Variants in RCOR1 observed in about 807,000 individuals in gnomAD.
RCOR1 encodes REST corepressor.
RCOR1 carries 12 observed loss-of-function variants against 64.0 expected under a neutral mutation model. The ratio of observed to expected loss-of-function variants is 0.19; its 90% CI spans 0.12 to 0.30. The LOEUF (loss-of-function observed/expected upper bound fraction) is 0.30, where lower values mean the gene tolerates loss of function less well. RCOR1 is among the 10% of genes least tolerant of loss of function. The probability of loss-of-function intolerance (pLI) is 1.00; values close to 1 mark genes in which losing one functional copy is unlikely to be tolerated. For synonymous variants in RCOR1, 279 were observed against 227.2 expected (o/e 1.23, Z -2.05); for missense variants, 502 against 621.2 (o/e 0.81, Z 2.04).
At chr14:102,593,428 C>T (rs552511235) in intron 2 of RCOR1, 103 bp downstream of exon 2, 6 of 1,235,066 alleles carry the variant, frequency 4.9e-6, no homozygotes, top group East Asian at 3.1e-5. Context: ...TCTTTTTGTG[C>T]GTTCGCCCTG....
intron 8 of RCOR1, among the ~76,000 whole-genome samples, chr14:102,719,812 A>G (rs77534446): frequency 0.017 from 2,565 of 152,320 alleles, 75 homozygotes; most frequent in African/African-American, 0.058. Flanking sequence ...AGCTAGAGTG[A>G]CAAGAGTGGT....
At chr14:102,699,945 C>A (rs1895723479) in intron 3 of RCOR1, among the ~76,000 whole-genome samples, 1 of 152,094 alleles carries the variant, frequency 6.6e-6, no homozygotes, top group Admixed American at 6.6e-5. Context: ...GAGGTTGAGT[C>A]AATTCATTTT....
At chr14:102,697,792 C>T (rs1159143749) in intron 3 of RCOR1, among the ~76,000 whole-genome samples, 1 of 151,244 alleles carries the variant, frequency 6.6e-6, no homozygotes, top group Non-Finnish European at 1.5e-5. Context: ...ACGATCTTGG[C>T]TCACTGCAAC....
chr14:102,654,048 C>G (rs1195020504), intron 2 of RCOR1, among the ~76,000 whole-genome samples: 1 of 134,868 alleles, frequency 7.4e-6, no homozygotes, highest in Non-Finnish European at 1.5e-5. Context: ...TGCAGTGGTG[C>G]GATCTCCACT....
intron 2 of RCOR1, among the ~76,000 whole-genome samples, chr14:102,666,436 TG>T (rs1301571624): frequency 2.6e-5 from 4 of 152,236 alleles, no homozygotes; most frequent in Admixed American, 2.6e-4. Context: ...TACATTAGTA[TG>T]GTACATTTGT....
intron 2 of RCOR1, among the ~76,000 whole-genome samples, chr14:102,619,330 G>C (rs1893824805): frequency 6.6e-6 from 1 of 152,070 alleles, no homozygotes; most frequent in Non-Finnish European, 1.5e-5. Context: ...ATGTTGGTTA[G>C]GCTGGTCTTG....
intron 3 of RCOR1, among the ~76,000 whole-genome samples, chr14:102,698,633 G>A (rs1249551236): frequency 1.3e-5 from 2 of 152,070 alleles, no homozygotes; most frequent in East Asian, 1.9e-4. Flanking sequence ...GATTGTTTTC[G>A]CCTTCTGTCC....
chr14:102,640,626 T>C (rs1411049474), intron 2 of RCOR1, among the ~76,000 whole-genome samples: 1 of 152,170 alleles, frequency 6.6e-6, no homozygotes, highest in Admixed American at 6.5e-5. Flanking sequence ...TGAGGTCACA[T>C]AGCTCTTTTC....
In RCOR1 at chr14:102,726,701, A is replaced by C. The variant is rs1023878235; in HGVS notation, c.*195A>C. 7.5e-5 allele frequency: 43 copies of C among 572,020 alleles called. No homozygotes were observed. The African/African-American group carries it at 8.2e-4, about 11-fold the overall frequency. 35.4% of individuals were successfully genotyped at this position (572,020 alleles called of 1,614,324 possible). A position where few individuals can be genotyped will look rare whatever the true frequency, so the allele number is the denominator to read the frequency against. ...TTCCTCCATGTTGGCGCCACTTCCC[A>C]GAGAGCTCCACTGCATCTCACACTC... On this transcript the variant is annotated 3_prime_UTR_variant, in exon 12 of 12. Coordinates refer to ENST00000262241, the MANE Select transcript of RCOR1 (RefSeq NM_015156.4).
At chr14:102,650,724 C>T (rs533889807) in intron 2 of RCOR1, among the ~76,000 whole-genome samples, 1 of 152,256 alleles carries the variant, frequency 6.6e-6, no homozygotes, top group Non-Finnish European at 1.5e-5. Context: ...ATTCCTGTGT[C>T]TGCAAAACAT....
chr14:102,704,002 G>T (rs1895800034), intron 4 of RCOR1, among the ~76,000 whole-genome samples: 1 of 152,192 alleles, frequency 6.6e-6, no homozygotes, highest in Admixed American at 6.5e-5. Flanking sequence ...AATCAGTTTT[G>T]TCTCCTGCAC....
chr14:102,606,221 C>T (rs1251112596), intron 2 of RCOR1, among the ~76,000 whole-genome samples: 5 of 152,034 alleles, frequency 3.3e-5, no homozygotes, highest in Admixed American at 6.6e-5. Flanking sequence ...CCACCGTGCC[C>T]GGCCTAATTT....
chr14:102,648,831 T>A (rs77620290), intron 2 of RCOR1, among the ~76,000 whole-genome samples: 3,563 of 152,268 alleles, frequency 0.023, 133 homozygotes, highest in African/African-American at 0.076. Context: ...GGCCCAGACA[T>A]GGAATCCAGC....
intron 2 of RCOR1, among the ~76,000 whole-genome samples, chr14:102,645,876 G>A (rs910703279): frequency 1.3e-5 from 2 of 152,166 alleles, no homozygotes; most frequent in African/African-American, 2.4e-5. Context: ...GAGCTGAGCC[G>A]CCTCCACAAG....
In RCOR1 at chr14:102,592,909, G is replaced by T; in HGVS notation, c.23G>T (p.Gly8Val). 8.0e-7 allele frequency: 1 copy of T among 1,243,714 alleles called. No homozygotes were observed. The highest frequency in any genetic ancestry group is 1.0e-6 in the Non-Finnish European group (1 of 987,648). 77.0% of individuals were successfully genotyped at this position (1,243,714 alleles called of 1,614,324 possible). ...CCGATGCCGGCCATGGTGGAGAAGG[G>T]CCCCGAGGTCTCAGGGAAGCGGAGA... MPAMVEKGPEVSGKRRGR... is the reference protein window; with the variant it reads MPAMVEKVPEVSGKRRGR... The change falls in exon 1 of 12, where the codon GGC (glycine) becomes GTC (valine). Residue 8 changes from glycine (G) to valine (V), a missense_variant. Gly to Val is a moderately radical substitution (Grantham distance 109). Transcript: ENST00000262241.
At chr14:102,666,239 G>A (rs1178594904) in intron 2 of RCOR1, among the ~76,000 whole-genome samples, 1 of 152,196 alleles carries the variant, frequency 6.6e-6, no homozygotes, top group African/African-American at 2.4e-5. Context: ...TGAGACATAG[G>A]TTAGAAAGAT....
chr14:102,625,772 G>A (rs1242640104), intron 2 of RCOR1, among the ~76,000 whole-genome samples: 1 of 152,144 alleles, frequency 6.6e-6, no homozygotes, highest in Non-Finnish European at 1.5e-5. Flanking sequence ...TAGAAGGGAA[G>A]TAGGTAGTTT....
chr14:102,613,467 C>G, intron 2 of RCOR1, among the ~76,000 whole-genome samples: 1 of 139,810 alleles, frequency 7.2e-6, no homozygotes, highest in East Asian at 2.1e-4. Context: ...GAGTCTCGTT[C>G]TGTCGCCCAG....
intron 2 of RCOR1, among the ~76,000 whole-genome samples, chr14:102,605,017 G>A (rs940741934): frequency 7.0e-6 from 1 of 142,822 alleles, no homozygotes; most frequent in African/African-American, 2.6e-5. Flanking sequence ...ACAGTGAGCC[G>A]AGATCGTGCC....
Sources: allele counts gnomAD v4.1 joint callset (sites outside exome capture counted in the v4.1 genomes callset), GRCh38; gene constraint gnomAD v4.1.1; transcripts MANE v1.5; gene names NCBI Gene and HGNC (gene_info 2026-07-23, HGNC 2026-07-21).